LRP8: variants seen among roughly 807,000 people sequenced by gnomAD.
The protein encoded by LRP8 is low-density lipoprotein receptor-related protein 8.
Under a neutral mutation model 111.6 loss-of-function variants are expected in LRP8, and 46 were observed. The observed-to-expected ratio is 0.41, with a 90% CI of 0.33 to 0.53. The LOEUF is 0.53. Ranked by LOEUF, LRP8 falls within the 20% of genes least tolerant of loss-of-function variation. The pLI is 0.20. For synonymous variants in LRP8, 464 were observed against 511.2 expected (o/e 0.91, Z 1.24); for missense variants, 959 against 1,297.4 (o/e 0.74, Z 4.01).
intron 4 of LRP8, among the ~76,000 whole-genome samples, chr1:53,278,054 G>C (rs1047597963): frequency 6.6e-6 from 1 of 152,210 alleles, no homozygotes; most frequent in Non-Finnish European, 1.5e-5. Flanking sequence ...TCAGTGGCCG[G>C]GAGGAACTTA....
rs1166833360 is a variant in LRP8 at position 53,294,398 on chromosome 1, C to T, written c.245-4709G>A. Among the ~76,000 whole-genome samples the T allele has an allele frequency of 2.6e-5, 4 of 152,184 alleles. No homozygotes were observed. The highest frequency in any genetic ancestry group is 4.4e-5 in the Non-Finnish European group (3 of 68,024). On this transcript the variant is annotated intron_variant, in intron 2 of 18. Transcript: ENST00000306052. This position sits in a 1 kb window ranked among gnomAD's most constrained non-coding sequence, Gnocchi z 4.1. The stretch of plus-strand genomic sequence containing the variant: ...GGAAATGCTATTTATAACAAGAACA[C>T]GGGCCAAGGAAAGTGCCAGACAGTC...
intron 2 of LRP8, among the ~76,000 whole-genome samples, chr1:53,318,787 T>TAA (rs34361465): frequency 1.4e-4 from 20 of 147,028 alleles, no homozygotes; most frequent in African/African-American, 2.5e-4. Flanking sequence ...TCATTTTTGT[T>TAA]AAAAAAAAAA....
intron 2 of LRP8, among the ~76,000 whole-genome samples, chr1:53,326,620 C>G (rs1453435226): frequency 6.6e-6 from 1 of 152,208 alleles, no homozygotes; most frequent in Middle Eastern, 3.2e-3. Context: ...GTGCGCCTTC[C>G]TCCTCCGGCA....
At chr1:53,289,543 C>A (rs1171793997) in intron 3 of LRP8, 24 bp downstream of exon 3, 34 of 1,582,848 alleles carry the variant, frequency 2.1e-5, no homozygotes, top group Non-Finnish European at 2.8e-5. Context: ...CCCACCCCCA[C>A]CCAGACTGAG....
rs1037684347 is a variant in LRP8 at position 53,243,142 on chromosome 1, T to C, written c.*3876A>G. ...AACATTTAATGCTAACTCATTTATA[T>C]TTTGTGAAACGATGAGTGTATGGCT... On this transcript the variant is annotated 3_prime_UTR_variant, in exon 19 of 19. Transcript: ENST00000306052. 1 of 152,214 alleles carries C rather than the reference T, an allele frequency of 6.6e-6. No individual in the cohort carries two copies. The highest frequency in any genetic ancestry group is 2.4e-5 in the African/African-American group (1 of 41,444). 9.4% of individuals were successfully genotyped at this position (152,214 alleles called of 1,614,324 possible).
intron 2 of LRP8, 117 bp downstream of exon 2, chr1:53,326,756 G>A: frequency 2.8e-6 from 4 of 1,453,938 alleles, no homozygotes; most frequent in Non-Finnish European, 2.7e-6. Context: ...GCAGGCTCCG[G>A]CGGCAAGTCC....
chr1:53,285,073 A>G (rs1190795749), intron 3 of LRP8, among the ~76,000 whole-genome samples: 1 of 152,202 alleles, frequency 6.6e-6, no homozygotes, highest in Non-Finnish European at 1.5e-5. Context: ...GGTCTGGGTA[A>G]TGACTGACAC....
Position 53,262,619 on chromosome 1 carries a change from T to C in LRP8, c.1656-55A>G. 4 of 1,420,802 alleles carry C rather than the reference T, an allele frequency of 2.8e-6. No homozygotes were observed. In the Middle Eastern group the frequency reaches 7.0e-4, roughly 249 times the overall value. The allele number at this position is 1,420,802 out of a possible 1,614,324, so 88.0% of individuals were successfully genotyped here. On this transcript the variant is annotated intron_variant, in intron 10 of 18. Coordinates refer to ENST00000306052, the MANE Select transcript of LRP8 (RefSeq NM_004631.5). The surrounding 1 kb of genome is among the most constrained non-coding windows in gnomAD (Gnocchi z 4.8). ...CTTGCTGGGGACATGACCGGGGTGG[T>C]CTGAGTCACAAGAGCTCAATAACCC... is the stretch of plus-strand genomic sequence containing the variant.
At chr1:53,280,816 T>TG in intron 3 of LRP8, 101 bp from the exon 4 acceptor site, 1 of 1,450,936 alleles carries the variant, frequency 6.9e-7, no homozygotes, top group Non-Finnish European at 9.4e-7. Context: ...TCCAAGGCCC[T>TG]AGGAGTCCAT....
chr1:53,271,164 G>A lies in LRP8; in HGVS notation c.1127-11C>T, dbSNP rs538521458. ...TGCACTCATCAATGTCTGTGGGGAGGAGCAGGAGTCAGAACCAGCAGGAGG... is the reference window on the plus strand; with the variant it reads ...TGCACTCATCAATGTCTGTGGGGAGAAGCAGGAGTCAGAACCAGCAGGAGG... On this transcript the variant is annotated splice_polypyrimidine_tract_variant and intron_variant, in intron 7 of 18. Transcript: ENST00000306052. The A allele has an allele frequency of 2.5e-6, 4 of 1,613,988 alleles. No individual in the cohort carries two copies. The highest frequency in any genetic ancestry group is 3.3e-5 in the Admixed American group (2 of 60,002).
At chr1:53,251,979 C>G (rs959427213) in intron 16 of LRP8, among the ~76,000 whole-genome samples, 6 of 148,966 alleles carry the variant, frequency 4.0e-5, no homozygotes, top group African/African-American at 7.5e-5. Flanking sequence ...GAGGTCAAGG[C>G]TGCAGTGAGC....
chr1:53,326,496 G>A (rs1282934173), intron 2 of LRP8, among the ~76,000 whole-genome samples: 3 of 152,268 alleles, frequency 2.0e-5, no homozygotes, highest in African/African-American at 4.8e-5. Context: ...TGAAACACGC[G>A]CGCGTCCCGC....
intron 18 of LRP8, among the ~76,000 whole-genome samples, chr1:53,248,446 G>C (rs989882952): frequency 6.6e-6 from 1 of 152,186 alleles, no homozygotes; most frequent in East Asian, 1.9e-4. Context: ...GATTTCCAGA[G>C]CTTCAAGGCT....
chr1:53,301,891 G>A (rs1650969747), intron 2 of LRP8, among the ~76,000 whole-genome samples: 1 of 152,200 alleles, frequency 6.6e-6, no homozygotes, highest in Admixed American at 6.5e-5. Context: ...GAGAACCCCA[G>A]GTGTAACAGC....
At chr1:53,306,011 C>G (rs1651885268) in intron 2 of LRP8, 1 of 152,174 alleles carries the variant, frequency 6.6e-6, no homozygotes, top group African/African-American at 2.4e-5. Context: ...AGTGGAGGAC[C>G]CTCCTCCCCT....
chr1:53,292,285 G>T (rs555416015), intron 2 of LRP8: 10 of 152,204 alleles, frequency 6.6e-5, no homozygotes, highest in Non-Finnish European at 1.5e-4. Context: ...GCCTCTGTAC[G>T]TGCAGAACTA....
At chr1:53,325,780 G>A (rs1442726675) in intron 2 of LRP8, among the ~76,000 whole-genome samples, 1 of 152,240 alleles carries the variant, frequency 6.6e-6, no homozygotes, top group African/African-American at 2.4e-5. Flanking sequence ...GACCCCGTCA[G>A]TGCTCCCTGG....
At chr1:53,276,583 G>A in intron 5 of LRP8, 109 bp downstream of exon 5, 1 of 847,566 alleles carries the variant, frequency 1.2e-6, no homozygotes, top group East Asian at 4.7e-5. Flanking sequence ...GTAAACCCGG[G>A]TAATGTATTC....
chr1:53,258,116 G>C lies in LRP8; in HGVS notation c.2209+203C>G, dbSNP rs1247908730. 10 of 426,026 alleles carry C rather than the reference G, an allele frequency of 2.3e-5. 1 individual carries two copies. The Middle Eastern group carries it at 2.6e-3, about 109-fold the overall frequency. 26.4% of individuals were successfully genotyped at this position (426,026 alleles called of 1,614,324 possible). On this transcript the variant is annotated intron_variant, in intron 14 of 18. Coordinates refer to ENST00000306052, the MANE Select transcript of LRP8 (RefSeq NM_004631.5). ...TTATGTATATGTGCATTTTTTCCTT[G>C]GGAGTGAGAAAAAGCTTTGGAAGGA...
Sources: gnomAD v4.1 joint callset for allele counts (sites outside exome capture counted in the v4.1 genomes callset) on GRCh38, gnomAD v4.1.1 for gene constraint, Gnocchi (gnomAD v3.1) non-coding constraint, MANE v1.5 for transcripts, NCBI Gene and HGNC (gene_info 2026-07-23, HGNC 2026-07-21) for gene names.